TTN: variants seen among roughly 807,000 people sequenced by gnomAD.
TTN encodes the protein titin.
In TTN, 1,525 loss-of-function variants were observed where a neutral mutation model predicts 3,223.0. That is an observed-to-expected ratio of 0.47 (90% CI 0.45 to 0.49). The LOEUF is 0.49. Among genes scored for constraint, TTN ranks in the 20% least tolerant of loss-of-function variants. TTN has a pLI of 0.00. For missense variants in TTN, 40,786 were observed against 43,424.0 expected, an observed-to-expected ratio of 0.94 and a Z score of 5.40; for synonymous variants, 14,094 against 15,161.0, an observed-to-expected ratio of 0.93 and a Z score of 5.17.
At position 178,547,533 on chromosome 2, in the gene TTN, G is replaced by A. The variant is rs372593328; in HGVS notation, c.94093C>T (p.Arg31365Cys). 20 of 1,613,564 alleles carry A rather than the reference G, an allele frequency of 1.2e-5. No individual in the cohort carries two copies. Among genetic ancestry groups the A allele is most frequent in the African/African-American group, 8.0e-5 (6 of 74,884 alleles). The change falls in exon 339 of 363, where the codon CGC (arginine) becomes TGC (cysteine). Residue 31365 changes from arginine (R) to cysteine (C), a missense_variant. Arg to Cys is a radical substitution (Grantham distance 180). Transcript: ENST00000589042. The part of the protein sequence containing the change: ...AWQLVNSSVK[R>C]TQIKVTHLTK... ...AGATGAGTGACTTTAATTTGAGTGC[G>A]CTTGACACTGGAATTGACAAGCTGC...
chr2:178,527,423 C>G, intron 362 of TTN, 23 bp downstream of exon 362: 1 of 1,605,186 alleles, frequency 6.2e-7, no homozygotes, highest in Non-Finnish European at 8.5e-7. Flanking sequence ...TTGTCTACCT[C>G]TACCAGTAAT....
At chr2:178,595,455 T>C in intron 295 of TTN, 52 bp downstream of exon 295, 6 of 1,508,798 alleles carry the variant, frequency 4.0e-6, no homozygotes, top group Non-Finnish European at 5.4e-6. Flanking sequence ...CATAGTCTTG[T>C]ACTAAATGAG....
Position 178,750,388 on chromosome 2 carries a change from TGAAA to T in TTN, c.11311+2732_11311+2735del, listed in dbSNP as rs994934008. 2 of 1,612,864 alleles carry T rather than the reference TGAAA, an allele frequency of 1.2e-6. No homozygotes were observed. On this transcript the variant is annotated intron_variant, in intron 47 of 362. Coordinates refer to ENST00000589042, the MANE Select transcript of TTN (RefSeq NM_001267550.2). ...AACCTTCATTCTGATGATGAACAGA[TGAAA>T]GAGTTAATATTGAATAGTTTTCCAA...
At position 178,669,586 on chromosome 2, in the gene TTN, G is replaced by A; in HGVS notation, c.35470+6C>T. ...ATTTCATGTTCTGATTAGCATCACT[G>A]TATACCTTTAGCTGGTGGAACTTCA... On this transcript the variant is annotated splice_donor_region_variant and intron_variant, in intron 158 of 362. Coordinates refer to ENST00000589042, the MANE Select transcript of TTN (RefSeq NM_001267550.2). The A allele has an allele frequency of 1.9e-6, 3 of 1,612,382 alleles. No individual in the cohort carries two copies. Among genetic ancestry groups the A allele is most frequent in the Non-Finnish European group, 1.7e-6 (2 of 1,179,618 alleles).
chr2:178,565,999 T>C lies in TTN; in HGVS notation c.80133A>G (p.Gly26711=), dbSNP rs754406762. Residue 26711 remains glycine (G), a synonymous_variant, in exon 326 of 363, where the codon GGA becomes GGG. Coordinates refer to ENST00000589042, the MANE Select transcript of TTN (RefSeq NM_001267550.2). ...TCACATAGTTCTTGACCTTTGCCCC[T>C]CCATCAATGATGGGTGGCTCCCATA... The part of the protein sequence containing the change: ...FLVWEPPIID[G]GAKVKNYVID... 1.2e-6 allele frequency: 2 copies of C among 1,613,540 alleles called. No individual in the cohort carries two copies. The highest frequency in any genetic ancestry group is 1.1e-5 in the South Asian group (1 of 91,078).
chr2:178,566,023 T>A lies in TTN; in HGVS notation c.80109A>T (p.Val26703=). ...CTCCATCAATGATGGGTGGCTCCCA[T>A]ACCAGGAAGGCAGAATCTTTTCTCA... ...KEVRKDSAFL[V]WEPPIIDGGA... is the part of the protein sequence containing the mutation. The change falls in exon 326 of 363, where the codon GTA becomes GTT. Residue 26703 remains valine (V), a synonymous_variant. Coordinates refer to ENST00000589042, the MANE Select transcript of TTN (RefSeq NM_001267550.2). 6.2e-7 allele frequency: 1 copy of A among 1,613,570 alleles called. No individual in the cohort carries two copies. The highest frequency in any genetic ancestry group is 8.5e-7 in the Non-Finnish European group (1 of 1,179,602).
rs911182620 is a variant in TTN, at chr2:178,794,936, T to C, written c.1231A>G (p.Thr411Ala). The C allele has an allele frequency of 1.9e-6, 3 of 1,602,450 alleles. No homozygotes were observed. The highest frequency in any genetic ancestry group is 2.7e-5 in the African/African-American group (2 of 75,060). ...TCTGACAGTACCTCTTTAGCACCAGTGGCAACAGCCTCTGCTGCGTAGCTA... is the reference window on the plus strand; with the variant it reads ...TCTGACAGTACCTCTTTAGCACCAGCGGCAACAGCCTCTGCTGCGTAGCTA... Reference protein sequence around the residue: ...SASYAAEAVATGAKEVKQDAD... With the variant: ...SASYAAEAVAAGAKEVKQDAD... Residue 411 changes from threonine (T) to alanine (A), a missense_variant, in exon 7 of 363, where the codon ACT (threonine) becomes GCT (alanine). Thr to Ala is a moderately conservative substitution (Grantham distance 58). Transcript: ENST00000589042.
chr2:178,551,827 C>T lies in TTN; in HGVS notation c.91073G>A (p.Gly30358Glu), dbSNP rs72648243. Residue 30358 changes from glycine (G) to glutamate (E), a missense_variant, in exon 335 of 363, where the codon GGA becomes GAA. By Grantham distance (98) the Gly-to-Glu change is moderately conservative. Coordinates refer to ENST00000589042, the MANE Select transcript of TTN (RefSeq NM_001267550.2). ...PVYDGGSEVT[G>E]FHVEKKERNS... ...TCTTTCTTTCTTTTCAACATGGAAT[C>T]CAGTAACTTCTGAACCACCATCATA... 8.1e-6 allele frequency: 13 copies of T among 1,613,742 alleles called. No homozygotes were observed. The highest frequency in any genetic ancestry group is 1.1e-5 in the Non-Finnish European group (13 of 1,179,826).
intron 218 of TTN, 181 bp downstream of exon 218, chr2:178,644,367 G>C: frequency 2.0e-6 from 1 of 488,766 alleles, no homozygotes; most frequent in Non-Finnish European, 3.6e-6. Context: ...GAAATGGATG[G>C]GAGACAAAGG....
chr2:178,590,079 A>G lies in TTN; in HGVS notation c.61646T>C (p.Ile20549Thr). The change falls in exon 304 of 363, where the codon ATC (isoleucine) becomes ACC (threonine). Residue 20549 changes from isoleucine to threonine, a missense_variant. By Grantham distance (89) the Ile-to-Thr change is moderately conservative. Coordinates refer to ENST00000589042, the MANE Select transcript of TTN (RefSeq NM_001267550.2). ...ATGTCCACTGCTGTTCTTAGCTGAG[A>G]TGATATACTTGCCATGATCAGCTCT... ...AVRADHGKYI[I>T]SAKNSSGHAQ... The G allele has an allele frequency of 1.2e-6, 2 of 1,613,212 alleles. No homozygotes were observed. Among genetic ancestry groups the G allele is most frequent in the Non-Finnish European group, 8.5e-7 (1 of 1,179,492 alleles).
Position 178,565,199 on chromosome 2 carries a change from C to G in TTN, c.80933G>C (p.Gly26978Ala). Residue 26978 changes from glycine to alanine, a missense_variant, in exon 326 of 363, where the codon GGC (glycine) becomes GCC (alanine). Gly to Ala is a moderately conservative substitution (Grantham distance 60, BLOSUM62 0). Coordinates refer to ENST00000589042, the MANE Select transcript of TTN (RefSeq NM_001267550.2). ...ACTAACTTCATCAAACCGAACTGGGCCAACTGGAGGTCCAGGCTTTTCTAA... is the reference window on the plus strand; with the variant it reads ...ACTAACTTCATCAAACCGAACTGGGGCAACTGGAGGTCCAGGCTTTTCTAA... ...IVLEKPGPPV[G>A]PVRFDEVSAD... 1 of 1,613,508 alleles carries G rather than the reference C, an allele frequency of 6.2e-7. No individual in the cohort carries two copies. Among genetic ancestry groups the G allele is most frequent in the Admixed American group, 1.7e-5 (1 of 59,992 alleles).
intron 238 of TTN, 117 bp from the exon 239 acceptor site, chr2:178,630,484 A>G: frequency 1.5e-6 from 2 of 1,305,246 alleles, no homozygotes; most frequent in South Asian, 1.4e-5. Context: ...GAAACTTTAT[A>G]TAACTTTGAG....
Position 178,557,928 on chromosome 2 carries a change from A to C in TTN, c.87426T>G (p.Thr29142=). 1 of 1,613,326 alleles carries C rather than the reference A, an allele frequency of 6.2e-7. No individual in the cohort carries two copies. The highest frequency in any genetic ancestry group is 8.5e-7 in the Non-Finnish European group (1 of 1,179,854). The change falls in exon 328 of 363, where the codon ACT becomes ACG. Residue 29142 remains threonine (T), a synonymous_variant. Transcript: ENST00000589042. The stretch of plus-strand genomic sequence containing the variant: ...TTATATCACTAATAACAACAGGGCC[A>C]GTTGGAGGACCAGGCCTGTCTAGCA... ...IVVLDRPGPP[T]GPVVISDITE...
Position 178,742,951 on chromosome 2 carries a change from C to T in TTN, c.11312-1030G>A, listed in dbSNP as rs566512003. On this transcript the variant is annotated intron_variant, in intron 47 of 362. Transcript: ENST00000589042. ...AAATACTGGAGAAACTCATCTATAG[C>T]ATGCAGAATACATATTCAGGTATTT... 11 of 152,154 alleles carry T rather than the reference C, an allele frequency of 7.2e-5. No individual in the cohort carries two copies. The East Asian group carries it at 2.1e-3, about 29-fold the overall frequency. The allele number at this position is 152,154 out of a possible 1,614,324, so 9.4% of individuals were successfully genotyped here.
intron 111 of TTN, 28 bp downstream of exon 111, chr2:178,701,092 C>A: frequency 6.2e-7 from 1 of 1,601,968 alleles, no homozygotes; most frequent in Non-Finnish European, 8.5e-7. Context: ...ATTCTTATTT[C>A]GACATCTAGG....
In TTN at chr2:178,590,448, A is replaced by T; in HGVS notation, c.61277T>A (p.Leu20426His). 1 of 1,612,966 alleles carries T rather than the reference A, an allele frequency of 6.2e-7. No individual in the cohort carries two copies. The highest frequency in any genetic ancestry group is 8.5e-7 in the Non-Finnish European group (1 of 1,179,382). Residue 20426 changes from leucine (L) to histidine (H), a missense_variant, in exon 304 of 363, where the codon CTC becomes CAC. Physicochemically the swap from Leu to His is moderately conservative, Grantham distance 99 (BLOSUM62 -3). Coordinates refer to ENST00000589042, the MANE Select transcript of TTN (RefSeq NM_001267550.2). ...AQWNRINKDE[L>H]IRQCAFRVPG... is the part of the protein sequence containing the mutation. ...TACCCTAAAGGCACATTGCCTAATGAGTTCATCTTTATTAATCCTGTTCCA... is the reference window on the plus strand; with the variant it reads ...TACCCTAAAGGCACATTGCCTAATGTGTTCATCTTTATTAATCCTGTTCCA...
Position 178,730,390 on chromosome 2 carries a change from C to A in TTN, c.18029-19G>T, listed in dbSNP as rs17076. On this transcript the variant is annotated intron_variant, in intron 61 of 362. Transcript: ENST00000589042. ...GGGGGTTCTGAGGTGAAAGAAAAAA[C>A]AAGCAAAAGAAAATAGGAAGTTTTA... 6.4e-7 allele frequency: 1 copy of A among 1,556,146 alleles called. No homozygotes were observed. Among genetic ancestry groups the A allele is most frequent in the East Asian group, 2.3e-5 (1 of 43,952 alleles).
rs749551895 is a variant in TTN, at chr2:178,607,558, T to G, written c.53130A>C (p.Glu17710Asp). The G allele has an allele frequency of 6.2e-7, 1 of 1,613,092 alleles. No homozygotes were observed. Among genetic ancestry groups the G allele is most frequent in the African/African-American group, 1.3e-5 (1 of 74,864 alleles). The change falls in exon 277 of 363, where the codon GAA becomes GAC. Residue 17710 changes from glutamate to aspartate, a missense_variant. Glu to Asp is a conservative substitution (Grantham distance 45). Coordinates refer to ENST00000589042, the MANE Select transcript of TTN (RefSeq NM_001267550.2). Reference sequence around the variant, plus strand: ...CAACACGGTCTTTATCCAGCTCCCCTTCTTCTTTGGTCCATACTTTTGTAG... The same window carrying G: ...CAACACGGTCTTTATCCAGCTCCCCGTCTTCTTTGGTCCATACTTTTGTAG... ...PVPTKVWTKE[E>D]GELDKDRVVI...
At chr2:178,683,973 T>G in intron 133 of TTN, 26 bp downstream of exon 133, 1 of 1,535,260 alleles carries the variant, frequency 6.5e-7, no homozygotes, top group African/African-American at 1.4e-5. Context: ...TTTTGATTTT[T>G]TTTTTTTTTT....
Sources: allele counts gnomAD v4.1 joint callset, GRCh38; gene constraint gnomAD v4.1.1; transcripts MANE v1.5; gene names NCBI Gene and HGNC (gene_info 2026-07-23, HGNC 2026-07-21).